The following PTPRD variants were observed in gnomAD, a reference collection of about 807,000 sequenced individuals.
PTPRD encodes the protein protein tyrosine phosphatase receptor type D.
A neutral mutation model predicts 214.5 loss-of-function variants in PTPRD; 34 were observed. That is an observed-to-expected ratio of 0.16 (90% CI 0.12 to 0.21). The LOEUF (loss-of-function observed/expected upper bound fraction) is 0.21. Ranked by LOEUF, PTPRD falls within the 10% of genes least tolerant of loss-of-function variation. PTPRD has a pLI of 1.00. For missense variants in PTPRD, 2,545 were observed against 2,398.7 expected (o/e 1.06, Z -1.27); for synonymous variants, 1,128 against 845.7 (o/e 1.33, Z -5.79).
At chr9:9,797,460 C>G (rs1410895348) in intron 5 of PTPRD, among the ~76,000 whole-genome samples, 1 of 151,600 alleles carries the variant, frequency 6.6e-6, no homozygotes, top group Non-Finnish European at 1.5e-5. Flanking sequence ...AGGAAAACAT[C>G]AAAGATAATA....
intron 3 of PTPRD, among the ~76,000 whole-genome samples, chr9:10,058,842 G>C (rs886970899): frequency 5.3e-5 from 8 of 151,952 alleles, no homozygotes; most frequent in African/African-American, 1.9e-4. Context: ...CATTTTAGTT[G>C]TAAATATTTA....
chr9:9,057,002 T>G (rs1441259657), intron 10 of PTPRD, among the ~76,000 whole-genome samples: 3 of 152,170 alleles, frequency 2.0e-5, no homozygotes, highest in Non-Finnish European at 2.9e-5. Flanking sequence ...TGCAGTCTCA[T>G]CTTAATTTTT....
intron 8 of PTPRD, among the ~76,000 whole-genome samples, chr9:9,429,949 T>C (rs903912744): frequency 1.3e-5 from 2 of 152,198 alleles, no homozygotes; most frequent in East Asian, 1.9e-4. Context: ...AGTATTATAC[T>C]GAATGGGCAA....
At chr9:8,803,934 C>T (rs996956075) in intron 11 of PTPRD, among the ~76,000 whole-genome samples, 8 of 150,258 alleles carry the variant, frequency 5.3e-5, no homozygotes, top group East Asian at 2.0e-4. Context: ...TTTTTTTTTA[C>T]GTTTGAAGTC....
At chr9:9,443,515 C>T (rs1160673265) in intron 8 of PTPRD, among the ~76,000 whole-genome samples, 1 of 152,200 alleles carries the variant, frequency 6.6e-6, no homozygotes, top group African/African-American at 2.4e-5. Context: ...TTTGCCAGAT[C>T]AAGGCCAAGC....
rs151240819 is a variant in PTPRD, at chr9:10,129,185, T to C, written c.-544-95395A>G. Among the ~76,000 whole-genome samples the C allele has an allele frequency of 4.0e-3, 605 of 152,312 alleles. 3 individuals carry two copies. The highest frequency in any genetic ancestry group is 0.013 in the African/African-American group (560 of 41,572). ...TTAAAAGCCTGCTATTTGGTGATATTCATCTTGCTTTGTTTATAGATAATT... is the reference window on the plus strand; with the variant it reads ...TTAAAAGCCTGCTATTTGGTGATATCCATCTTGCTTTGTTTATAGATAATT... On this transcript the variant is annotated intron_variant, in intron 3 of 45. Coordinates refer to ENST00000381196, the MANE Select transcript of PTPRD (RefSeq NM_002839.4).
At chr9:9,850,896 T>C (rs1380941274) in intron 5 of PTPRD, among the ~76,000 whole-genome samples, 2 of 152,180 alleles carry the variant, frequency 1.3e-5, no homozygotes, top group Non-Finnish European at 2.9e-5. Flanking sequence ...TTTGACCTTT[T>C]CTTGACTAAG....
intron 11 of PTPRD, among the ~76,000 whole-genome samples, chr9:8,787,189 T>A (rs1407311017): frequency 6.6e-6 from 1 of 152,170 alleles, no homozygotes; most frequent in Non-Finnish European, 1.5e-5. Flanking sequence ...TGCTATTGCA[T>A]CCTTTTCCAT....
chr9:9,177,682 T>G (rs773682387), intron 10 of PTPRD, among the ~76,000 whole-genome samples: 14 of 152,104 alleles, frequency 9.2e-5, no homozygotes, highest in Non-Finnish European at 2.1e-4. Flanking sequence ...AAATTGTTAA[T>G]GCTTAATCCT....
intron 2 of PTPRD, among the ~76,000 whole-genome samples, chr9:10,583,239 C>T (rs988540426): frequency 1.3e-5 from 2 of 152,040 alleles, no homozygotes; most frequent in African/African-American, 4.8e-5. Flanking sequence ...GTTGGGTCAG[C>T]AGAAAGATGC....
chr9:10,507,707 G>A (rs112922504), intron 2 of PTPRD, among the ~76,000 whole-genome samples: 31 of 151,982 alleles, frequency 2.0e-4, no homozygotes, highest in African/African-American at 6.5e-4. Flanking sequence ...GAAAGGAGTC[G>A]CTATTTAATA....
At chr9:8,376,829 T>G (rs2083396151) in intron 37 of PTPRD, 103 bp from the exon 38 acceptor site, 1 of 1,459,246 alleles carries the variant, frequency 6.9e-7, no homozygotes, top group Admixed American at 1.9e-5. Flanking sequence ...TGCACTTCAT[T>G]TTATGTTGAT....
intron 2 of PTPRD, among the ~76,000 whole-genome samples, chr9:10,565,803 T>C (rs975858398): frequency 6.6e-6 from 1 of 151,968 alleles, no homozygotes; most frequent in Admixed American, 6.6e-5. Flanking sequence ...TCATCACTTT[T>C]TCCTTGTTAA....
At chr9:9,570,130 A>G (rs535859475) in intron 8 of PTPRD, among the ~76,000 whole-genome samples, 43 of 151,682 alleles carry the variant, frequency 2.8e-4, no homozygotes, top group African/African-American at 9.4e-4. Flanking sequence ...GTATTTGTGC[A>G]TGCAGTGATC....
chr9:8,427,818 T>C (rs1253529310), intron 35 of PTPRD, among the ~76,000 whole-genome samples: 1 of 152,098 alleles, frequency 6.6e-6, no homozygotes. Flanking sequence ...TTGATGTGCA[T>C]CTTAAAATTG....
chr9:10,099,282 TC>T (rs1311179713), intron 3 of PTPRD, among the ~76,000 whole-genome samples: 1 of 151,564 alleles, frequency 6.6e-6, no homozygotes, highest in African/African-American at 2.4e-5. Flanking sequence ...TTACCTAACC[TC>T]TCTATGATTC....
Position 9,150,346 on chromosome 9 carries a change from T to G in PTPRD, c.-143+32958A>C, listed in dbSNP as rs1592471289. 4.0e-5 allele frequency among the ~76,000 whole-genome samples: 6 copies of G among 151,238 alleles called. No individual in the cohort carries two copies. In the Admixed American group the frequency reaches 4.0e-4, roughly 10 times the overall value. On this transcript the variant is annotated intron_variant, in intron 10 of 45. Transcript: ENST00000381196. ...TGTGCTAGCGTAGGGTTGGGGGATATAGTGATAAATAGTATAAGCACAGTC... is the reference window on the plus strand; with the variant it reads ...TGTGCTAGCGTAGGGTTGGGGGATAGAGTGATAAATAGTATAAGCACAGTC...
chr9:9,142,481 C>A (rs1468195285), intron 10 of PTPRD, among the ~76,000 whole-genome samples: 2 of 152,222 alleles, frequency 1.3e-5, no homozygotes, highest in Non-Finnish European at 2.9e-5. Context: ...AATTAATTTA[C>A]TCCTTTGGCG....
intron 9 of PTPRD, among the ~76,000 whole-genome samples, chr9:9,337,254 A>C (rs2044890011): frequency 6.6e-6 from 1 of 152,164 alleles, no homozygotes; most frequent in Non-Finnish European, 1.5e-5. Flanking sequence ...CTAAAGAAAC[A>C]ATGTATCCAA....
Sources: allele counts gnomAD v4.1 joint callset (sites outside exome capture counted in the v4.1 genomes callset), GRCh38; gene constraint gnomAD v4.1.1; transcripts MANE v1.5; gene names NCBI Gene and HGNC (gene_info 2026-07-23, HGNC 2026-07-21).